Variants in ZCCHC7 observed in about 807,000 individuals in gnomAD.
ZCCHC7 encodes the protein zinc finger CCHC-type containing 7, also known as zinc finger CCHC domain-containing protein 7.
ZCCHC7 carries 35 observed loss-of-function variants against 52.0 expected under a neutral mutation model. That is an observed-to-expected ratio of 0.67 (90% CI 0.51 to 0.89). The LOEUF (loss-of-function observed/expected upper bound fraction) is 0.89. Ranked by LOEUF, ZCCHC7 falls within the 40% of genes least tolerant of loss-of-function variation. The pLI, the probability that ZCCHC7 is intolerant of heterozygous loss-of-function variation, is 0.00. For synonymous variants in ZCCHC7, 217 were observed against 221.5 expected (o/e 0.98, Z 0.18); for missense variants, 574 against 649.1 (o/e 0.88, Z 1.26).
intron 2 of ZCCHC7, among the ~76,000 whole-genome samples, chr9:37,215,053 A>G (rs1824431657): frequency 6.6e-6 from 1 of 152,132 alleles, no homozygotes; most frequent in Admixed American, 6.5e-5. Flanking sequence ...TATTACAAAC[A>G]GTTATGAATA....
chr9:37,342,704 G>A (rs962637302), intron 6 of ZCCHC7, among the ~76,000 whole-genome samples: 5 of 152,216 alleles, frequency 3.3e-5, no homozygotes, highest in Non-Finnish European at 4.4e-5. Context: ...CTGATAGGTT[G>A]TTATGTAAGA....
rs544617838 is a variant in ZCCHC7 at position 37,137,515 on chromosome 9, A to G, written c.610+10573A>G. On this transcript the variant is annotated intron_variant, in intron 2 of 8. Coordinates refer to ENST00000336755, the MANE Select transcript of ZCCHC7 (RefSeq NM_032226.3). ...CTGCCTAAACAAGAAAGGATTATTT[A>G]TGTTTTGTATATGTTCAGAATACTG... is the stretch of plus-strand genomic sequence containing the variant. Among the ~76,000 whole-genome samples, 6 of 152,190 alleles carry G rather than the reference A, an allele frequency of 3.9e-5. No homozygotes were observed. The South Asian group carries it at 6.2e-4, about 16-fold the overall frequency.
chr9:37,274,319 C>T lies in ZCCHC7; in HGVS notation c.611-27869C>T, dbSNP rs553558684. On this transcript the variant is annotated intron_variant, in intron 2 of 8. Transcript: ENST00000336755. ...AGTGATATAATTTTATGAAAATTAC[C>T]ATATCTAATTTCTTTTTTTTTTTTT... Among the ~76,000 whole-genome samples, 17 of 146,614 alleles carry T rather than the reference C, an allele frequency of 1.2e-4. No homozygotes were observed. The South Asian group carries it at 1.7e-3, about 15-fold the overall frequency.
intron 5 of ZCCHC7, among the ~76,000 whole-genome samples, chr9:37,306,057 ATATTTATTTATT>A (rs539869053): frequency 1.3e-5 from 2 of 151,682 alleles, no homozygotes; most frequent in African/African-American, 4.9e-5. Context: ...TTGTGTATTC[ATATTTATTTATT>A]TATTTATTTA....
At chr9:37,282,757 G>A (rs942182035) in intron 2 of ZCCHC7, among the ~76,000 whole-genome samples, 2 of 151,256 alleles carry the variant, frequency 1.3e-5, no homozygotes, top group Non-Finnish European at 2.9e-5. Context: ...TGTGGCCCCA[G>A]CTACATGGAA....
intron 2 of ZCCHC7, among the ~76,000 whole-genome samples, chr9:37,169,221 A>C (rs1413591475): frequency 3.3e-5 from 5 of 152,182 alleles, no homozygotes; most frequent in Non-Finnish European, 5.9e-5. Flanking sequence ...ACTAGGATAT[A>C]ATCTTTCTTA....
intron 2 of ZCCHC7, among the ~76,000 whole-genome samples, chr9:37,177,578 GA>G (rs1418745617): frequency 6.6e-6 from 1 of 152,170 alleles, no homozygotes; most frequent in Non-Finnish European, 1.5e-5. Context: ...TGGAGATTAT[GA>G]AGTTCAGAAA....
At chr9:37,259,729 T>TA (rs1826773988) in intron 2 of ZCCHC7, among the ~76,000 whole-genome samples, 1 of 151,938 alleles carries the variant, frequency 6.6e-6, no homozygotes, top group African/African-American at 2.4e-5. Context: ...TTAAATATTC[T>TA]TTCTGCTATT....
intron 2 of ZCCHC7, among the ~76,000 whole-genome samples, chr9:37,166,422 A>C (rs963242339): frequency 4.0e-5 from 6 of 151,280 alleles, no homozygotes; most frequent in Non-Finnish European, 7.4e-5. Context: ...TATGTGTAGA[A>C]TCTCTAGTGA....
rs909440175 is a variant in ZCCHC7, at chr9:37,175,271, A to G, written c.610+48329A>G. ...TCATTCCTTTTAAGCATGCAAAACTATATGTATAAACCGTATCGCAGAATA... is the reference window on the plus strand; with the variant it reads ...TCATTCCTTTTAAGCATGCAAAACTGTATGTATAAACCGTATCGCAGAATA... On this transcript the variant is annotated intron_variant, in intron 2 of 8. Transcript: ENST00000336755. Among the ~76,000 whole-genome samples the G allele has an allele frequency of 2.6e-5, 4 of 152,166 alleles. No individual in the cohort carries two copies. The East Asian group carries it at 5.8e-4, about 22-fold the overall frequency.
intron 6 of ZCCHC7, among the ~76,000 whole-genome samples, chr9:37,336,065 T>A (rs1830634905): frequency 6.6e-6 from 1 of 151,992 alleles, no homozygotes; most frequent in Non-Finnish European, 1.5e-5. Flanking sequence ...CTGCTAGGGG[T>A]AGAGGGCTTA....
chr9:37,219,539 T>G (rs570274087), intron 2 of ZCCHC7, among the ~76,000 whole-genome samples: 2 of 152,366 alleles, frequency 1.3e-5, no homozygotes, highest in Non-Finnish European at 2.9e-5. Flanking sequence ...CTTCAGGGAT[T>G]ATGTTTAACC....
chr9:37,277,276 A>G (rs938147905), intron 2 of ZCCHC7, among the ~76,000 whole-genome samples: 1 of 152,226 alleles, frequency 6.6e-6, no homozygotes, highest in Admixed American at 6.5e-5. Flanking sequence ...AGCTTATACT[A>G]TAAATATTTA....
At chr9:37,322,149 C>T (rs1830079255) in intron 5 of ZCCHC7, 1 of 152,134 alleles carries the variant, frequency 6.6e-6, no homozygotes. Context: ...CTCTTCCATC[C>T]ATCGTGCACA....
At chr9:37,122,687 C>G (rs1045446273) in intron 1 of ZCCHC7, among the ~76,000 whole-genome samples, 1 of 152,218 alleles carries the variant, frequency 6.6e-6, no homozygotes, top group Non-Finnish European at 1.5e-5. Flanking sequence ...CGCCTGTAAT[C>G]CAGGCACTTT....
At chr9:37,298,674 G>A (rs1828896741) in intron 2 of ZCCHC7, among the ~76,000 whole-genome samples, 1 of 152,144 alleles carries the variant, frequency 6.6e-6, no homozygotes, top group Non-Finnish European at 1.5e-5. Context: ...TGATGGAAAT[G>A]TTCTACATTT....
rs190148299 is a variant in ZCCHC7 at position 37,156,666 on chromosome 9, T to A, written c.610+29724T>A. On this transcript the variant is annotated intron_variant, in intron 2 of 8. Transcript: ENST00000336755. ...GTTAAAAAGATACCCACATTTATGTTATAAGCCAAACTCTGTTATTCTGGT... is the reference window on the plus strand; with the variant it reads ...GTTAAAAAGATACCCACATTTATGTAATAAGCCAAACTCTGTTATTCTGGT... Among the ~76,000 whole-genome samples, 538 of 152,366 alleles carry A rather than the reference T, an allele frequency of 3.5e-3. 6 individuals carry two copies. The highest frequency in any genetic ancestry group is 6.8e-3 in the Middle Eastern group (2 of 294).
chr9:37,151,752 C>T (rs967277381), intron 2 of ZCCHC7, among the ~76,000 whole-genome samples: 24 of 152,036 alleles, frequency 1.6e-4, no homozygotes, highest in African/African-American at 5.8e-4. Context: ...TTGCAGTGAG[C>T]CGAGATTGTG....
intron 2 of ZCCHC7, among the ~76,000 whole-genome samples, chr9:37,192,437 G>A (rs2133110709): frequency 6.6e-6 from 1 of 152,178 alleles, no homozygotes; most frequent in Non-Finnish European, 1.5e-5. Flanking sequence ...TTTAGATCAG[G>A]TGTGTATTAC....
Sources: allele counts gnomAD v4.1 joint callset (sites outside exome capture counted in the v4.1 genomes callset), GRCh38; gene constraint gnomAD v4.1.1; transcripts MANE v1.5; gene names NCBI Gene and HGNC (gene_info 2026-07-23, HGNC 2026-07-21).